Variants in KCNN2 observed in about 807,000 individuals in gnomAD.
KCNN2 encodes potassium calcium-activated channel subfamily N member 2, also known as small conductance calcium-activated potassium channel protein 2.
In KCNN2, 24 loss-of-function variants were observed where a neutral mutation model predicts 55.5. That is an observed-to-expected ratio of 0.43 (90% CI 0.31 to 0.61). The LOEUF is 0.61. KCNN2 is among the 20% of genes least tolerant of loss of function. KCNN2 has a pLI of 0.08. For missense variants in KCNN2, 754 were observed against 853.6 expected, an observed-to-expected ratio of 0.88 and a Z score of 1.45; for synonymous variants, 431 against 336.1, an observed-to-expected ratio of 1.28 and a Z score of -3.09.
upstream of KCNN2, among the ~76,000 whole-genome samples, chr5:114,358,199 G>A (rs1261178150): frequency 2.0e-5 from 3 of 151,838 alleles, no homozygotes; most frequent in Non-Finnish European, 2.9e-5. Context: ...GAAAATTTTC[G>A]CAACCTACTC....
chr5:114,086,969 G>A (rs1206523578), intron 1 of KCNN2, among the ~76,000 whole-genome samples: 1 of 151,920 alleles, frequency 6.6e-6, no homozygotes, highest in Admixed American at 6.6e-5. Flanking sequence ...TTTAGTAGTA[G>A]CCATTTCTGA....
chr5:114,157,450 G>A (rs1752660428), intron 1 of KCNN2, among the ~76,000 whole-genome samples: 1 of 152,022 alleles, frequency 6.6e-6, no homozygotes, highest in Non-Finnish European at 1.5e-5. Context: ...ATTGTGAATA[G>A]TGCCGCAATA....
chr5:114,351,847 A>G (rs1314638798), intron 2 of KCNN2, among the ~76,000 whole-genome samples: 1 of 151,598 alleles, frequency 6.6e-6, no homozygotes, highest in Non-Finnish European at 1.5e-5. Flanking sequence ...CTGTATTTGG[A>G]TTGGTTGTAT....
intron 2 of KCNN2, among the ~76,000 whole-genome samples, chr5:114,255,342 T>C (rs1754961437): frequency 6.6e-6 from 1 of 152,156 alleles, no homozygotes; most frequent in Admixed American, 6.6e-5. Flanking sequence ...GGAAACTCAT[T>C]TGACTCTTAG....
chr5:114,252,914 T>G (rs1754900727), intron 2 of KCNN2, among the ~76,000 whole-genome samples: 1 of 151,982 alleles, frequency 6.6e-6, no homozygotes, highest in African/African-American at 2.4e-5. Context: ...TCCCTGACCC[T>G]CCCCACCATT....
intron 2 of KCNN2, among the ~76,000 whole-genome samples, chr5:114,232,398 A>G (rs1754380629): frequency 6.6e-6 from 1 of 151,232 alleles, no homozygotes; most frequent in Non-Finnish European, 1.5e-5. Flanking sequence ...TAAACATAAC[A>G]TTAAAAAATA....
intron 1 of KCNN2, among the ~76,000 whole-genome samples, chr5:114,174,931 G>A (rs1274689582): frequency 6.6e-6 from 1 of 152,156 alleles, no homozygotes; most frequent in Non-Finnish European, 1.5e-5. Flanking sequence ...AATGGGCTGT[G>A]TGAGTTGTGC....
At chr5:114,484,479 A>G (rs1351745995) in intron 5 of KCNN2, among the ~76,000 whole-genome samples, 2 of 152,200 alleles carry the variant, frequency 1.3e-5, no homozygotes, top group Non-Finnish European at 1.5e-5. Flanking sequence ...AATAAAAAAA[A>G]TGAATGCATA....
chr5:114,069,930 CACTG>C (rs769129376), intron 1 of KCNN2, among the ~76,000 whole-genome samples: 1 of 152,198 alleles, frequency 6.6e-6, no homozygotes, highest in East Asian at 1.9e-4. Context: ...ATTACAACTG[CACTG>C]ACTATCTGTA....
chr5:114,341,682 A>G (rs953657889), intron 2 of KCNN2, among the ~76,000 whole-genome samples: 4 of 152,156 alleles, frequency 2.6e-5, no homozygotes, highest in Non-Finnish European at 5.9e-5. Flanking sequence ...ATGAAAAATA[A>G]AAAAGACATT....
At chr5:114,240,298 A>C (rs149941747) in intron 2 of KCNN2, among the ~76,000 whole-genome samples, 2,159 of 152,114 alleles carry the variant, frequency 0.014, 49 homozygotes, top group African/African-American at 0.048. Context: ...GGTGAAATTC[A>C]TTTATTCCTC....
At chr5:114,090,956 G>A (rs569526443) in intron 1 of KCNN2, among the ~76,000 whole-genome samples, 1 of 152,224 alleles carries the variant, frequency 6.6e-6, no homozygotes, top group South Asian at 2.1e-4. Flanking sequence ...GCCCACCTCA[G>A]CCTTCTGAGT....
intron 2 of KCNN2, among the ~76,000 whole-genome samples, chr5:114,270,873 T>G (rs1003212455): frequency 7.2e-5 from 11 of 152,188 alleles, no homozygotes; most frequent in Non-Finnish European, 1.5e-4. Flanking sequence ...TGTCCACAGT[T>G]TCTTCCTTCG....
intron 1 of KCNN2, among the ~76,000 whole-genome samples, chr5:114,114,802 C>G (rs1725963962): frequency 6.6e-6 from 1 of 152,108 alleles, no homozygotes; most frequent in South Asian, 2.1e-4. Flanking sequence ...AGCTGGTAAT[C>G]TAGCTAGCAA....
At chr5:114,455,320 T>G (rs1365198757) in intron 3 of KCNN2, among the ~76,000 whole-genome samples, 1 of 152,206 alleles carries the variant, frequency 6.6e-6, no homozygotes, top group African/African-American at 2.4e-5. Context: ...GTACCTCTTA[T>G]GGTGATTTAT....
chr5:114,319,485 G>A (rs1756572646), intron 2 of KCNN2, among the ~76,000 whole-genome samples: 1 of 152,170 alleles, frequency 6.6e-6, no homozygotes, highest in South Asian at 2.1e-4. Context: ...TAGCAATTTA[G>A]AATACAGCCT....
intron 3 of KCNN2, among the ~76,000 whole-genome samples, chr5:114,443,262 C>T (rs1055176295): frequency 6.6e-6 from 1 of 151,422 alleles, no homozygotes; most frequent in African/African-American, 2.4e-5. Context: ...CTGACTCCAG[C>T]CTGGCGACAG....
At chr5:114,086,607 G>A (rs114181843) in intron 1 of KCNN2, among the ~76,000 whole-genome samples, 281 of 152,000 alleles carry the variant, frequency 1.8e-3, no homozygotes, top group African/African-American at 6.3e-3. Flanking sequence ...TGCAAAGGAC[G>A]TAATCTAATT....
At chr5:114,116,942 T>G (rs1296706633) in intron 1 of KCNN2, among the ~76,000 whole-genome samples, 1 of 152,128 alleles carries the variant, frequency 6.6e-6, no homozygotes, top group Non-Finnish European at 1.5e-5. Flanking sequence ...TAAAAAGTCA[T>G]GCAAGGAGAC....
Sources: gnomAD v4.1 joint callset for allele counts (sites outside exome capture counted in the v4.1 genomes callset) on GRCh38, gnomAD v4.1.1 for gene constraint, MANE v1.5 for transcripts, NCBI Gene and HGNC (gene_info 2026-07-23, HGNC 2026-07-21) for gene names.